The following PTPRM variants were observed in gnomAD, a reference collection of about 807,000 sequenced individuals.
PTPRM encodes the protein protein tyrosine phosphatase receptor type M.
In PTPRM, 47 loss-of-function variants were observed where a neutral mutation model predicts 186.7. That is an observed-to-expected ratio of 0.25 (90% CI 0.20 to 0.32). The LOEUF is 0.32. Among genes scored for constraint, PTPRM ranks in the 10% least tolerant of loss-of-function variants. The pLI, the probability that PTPRM is intolerant of heterozygous loss-of-function variation, is 1.00. For missense variants in PTPRM, 1,494 were observed against 1,865.0 expected, an observed-to-expected ratio of 0.80 and a Z score of 3.66; for synonymous variants, 668 against 674.9, an observed-to-expected ratio of 0.99 and a Z score of 0.16.
intron 13 of PTPRM, among the ~76,000 whole-genome samples, chr18:8,124,301 A>G (rs1276213795): frequency 6.6e-6 from 1 of 152,212 alleles, no homozygotes; most frequent in Non-Finnish European, 1.5e-5. Flanking sequence ...ACCCAGATAA[A>G]TTCACACTCA....
intron 20 of PTPRM, among the ~76,000 whole-genome samples, chr18:8,308,314 A>G (rs1050333931): frequency 1.3e-5 from 2 of 152,208 alleles, no homozygotes; most frequent in African/African-American, 2.4e-5. Context: ...GCATGGTGTG[A>G]TGAGTTTGGA....
chr18:8,401,371 G>A (rs2095871274), intron 32 of PTPRM, among the ~76,000 whole-genome samples: 1 of 152,224 alleles, frequency 6.6e-6, no homozygotes, highest in East Asian at 1.9e-4. Context: ...GTCTCGCTGA[G>A]CAGGGATGAG....
At chr18:8,300,924 A>C (rs528268763) in intron 20 of PTPRM, among the ~76,000 whole-genome samples, 1 of 152,170 alleles carries the variant, frequency 6.6e-6, no homozygotes, top group Non-Finnish European at 1.5e-5. Flanking sequence ...CCACACACAC[A>C]TAATGACCCA....
At chr18:7,913,383 G>A (rs2050383945) in intron 4 of PTPRM, among the ~76,000 whole-genome samples, 2 of 152,132 alleles carry the variant, frequency 1.3e-5, no homozygotes, top group African/African-American at 4.8e-5. Context: ...TTGAATAGAA[G>A]CAAAAAGAAC....
At chr18:7,740,079 G>A (rs1192316663) in intron 1 of PTPRM, among the ~76,000 whole-genome samples, 3 of 152,160 alleles carry the variant, frequency 2.0e-5, no homozygotes, top group Non-Finnish European at 4.4e-5. Flanking sequence ...TGGCTGGTGG[G>A]GACTGTATGG....
intron 2 of PTPRM, chr18:7,814,006 C>T (rs1015903058): frequency 2.6e-5 from 4 of 152,214 alleles, no homozygotes; most frequent in Non-Finnish European, 4.4e-5. Flanking sequence ...TTTACTAAAG[C>T]ATTCCTTATA....
chr18:8,390,288 T>C (rs1251117022), intron 31 of PTPRM, among the ~76,000 whole-genome samples: 1 of 152,210 alleles, frequency 6.6e-6, no homozygotes, highest in Non-Finnish European at 1.5e-5. Flanking sequence ...TCTAGATAGA[T>C]GGTAGACCAA....
At chr18:7,886,321 TA>T (rs2048784221) in intron 2 of PTPRM, among the ~76,000 whole-genome samples, 1 of 152,178 alleles carries the variant, frequency 6.6e-6, no homozygotes, top group Non-Finnish European at 1.5e-5. Flanking sequence ...AAACAGTAAC[TA>T]ACCTGAATTA....
In PTPRM at chr18:8,232,716, A is replaced by G. The variant is rs138695725; in HGVS notation, c.2301-11342A>G. 6.0e-3 allele frequency among the ~76,000 whole-genome samples: 918 copies of G among 152,190 alleles called. 8 individuals carry two copies. The highest frequency in any genetic ancestry group is 0.021 in the African/African-American group (870 of 41,534). On this transcript the variant is annotated intron_variant, in intron 14 of 32. Coordinates refer to ENST00000580170, the MANE Select transcript of PTPRM (RefSeq NM_001105244.2). ...GCTGGTCTCAAACTCCTGACCTCAAATGATCCACCCACTTTTGTGAAGCTC... is the reference window on the plus strand; with the variant it reads ...GCTGGTCTCAAACTCCTGACCTCAAGTGATCCACCCACTTTTGTGAAGCTC...
intron 14 of PTPRM, among the ~76,000 whole-genome samples, chr18:8,174,926 A>G (rs1331917341): frequency 1.3e-5 from 2 of 152,238 alleles, no homozygotes; most frequent in East Asian, 3.8e-4. Context: ...AGAAAAGGCA[A>G]TCTGTGCACT....
intron 29 of PTPRM, among the ~76,000 whole-genome samples, chr18:8,382,110 G>A (rs923374754): frequency 2.0e-5 from 3 of 152,102 alleles, no homozygotes; most frequent in Non-Finnish European, 4.4e-5. Context: ...GTCTTTTAGC[G>A]AACACTAAAC....
chr18:7,952,957 G>A (rs2053070742), intron 6 of PTPRM, among the ~76,000 whole-genome samples: 1 of 152,190 alleles, frequency 6.6e-6, no homozygotes, highest in South Asian at 2.1e-4. Context: ...AGTGAGCCAC[G>A]ATGGTGCCAC....
intron 7 of PTPRM, among the ~76,000 whole-genome samples, chr18:8,054,794 G>T (rs1239232798): frequency 6.6e-6 from 1 of 151,966 alleles, no homozygotes; most frequent in Non-Finnish European, 1.5e-5. Flanking sequence ...TCTTTTTGAA[G>T]GTGATCCTTT....
intron 1 of PTPRM, among the ~76,000 whole-genome samples, chr18:7,633,338 G>A (rs1379967723): frequency 1.3e-5 from 2 of 152,140 alleles, no homozygotes; most frequent in Non-Finnish European, 2.9e-5. Context: ...CTAATCTTAG[G>A]AGGAGTCACC....
At position 8,113,468 on chromosome 18, in the gene PTPRM, G is replaced by T; in HGVS notation, c.1857-18G>T. 1 of 1,606,596 alleles carries T rather than the reference G, an allele frequency of 6.2e-7. No individual in the cohort carries two copies. On this transcript the variant is annotated intron_variant, in intron 11 of 32. Transcript: ENST00000580170. ...CAGTTATCATAAAATATCATTGATG[G>T]TACTCTTGTTTTTCTAGTGTCTATC...
At chr18:7,917,315 C>T (rs145549561) in intron 4 of PTPRM, among the ~76,000 whole-genome samples, 1 of 152,272 alleles carries the variant, frequency 6.6e-6, no homozygotes, top group East Asian at 1.9e-4. Flanking sequence ...AGGCGGATCA[C>T]GAGGTCAGGA....
At chr18:8,232,766 C>G (rs1280095366) in intron 14 of PTPRM, among the ~76,000 whole-genome samples, 1 of 152,068 alleles carries the variant, frequency 6.6e-6, no homozygotes, top group Admixed American at 6.5e-5. Flanking sequence ...TTGGACTGAA[C>G]AAAAGAGGAC....
At chr18:7,911,184 G>C (rs1345026018) in intron 4 of PTPRM, among the ~76,000 whole-genome samples, 1 of 152,160 alleles carries the variant, frequency 6.6e-6, no homozygotes, top group East Asian at 1.9e-4. Context: ...TCAGTTGATG[G>C]ACATTCAGGT....
At chr18:7,918,029 G>A (rs2050660315) in intron 4 of PTPRM, among the ~76,000 whole-genome samples, 1 of 151,332 alleles carries the variant, frequency 6.6e-6, no homozygotes, top group South Asian at 2.1e-4. Flanking sequence ...CTTTTTTGTG[G>A]CTGAATAATA....
Sources: allele counts gnomAD v4.1 joint callset (sites outside exome capture counted in the v4.1 genomes callset), GRCh38; gene constraint gnomAD v4.1.1; transcripts MANE v1.5; gene names NCBI Gene and HGNC (gene_info 2026-07-23, HGNC 2026-07-21).